Variants in ADGRG7 observed in about 807,000 individuals in gnomAD.
ADGRG7 encodes the protein adhesion G protein-coupled receptor G7, also known as G-protein coupled receptor 128.
Under a neutral mutation model 88.6 loss-of-function variants are expected in ADGRG7, and 82 were observed. That is an observed-to-expected ratio of 0.93 (90% confidence interval 0.77 to 1.11). ADGRG7 has a LOEUF of 1.11. Ranked by LOEUF, ADGRG7 falls within the 50% of genes most tolerant of loss-of-function variation. The probability of loss-of-function intolerance (pLI) is 0.00; values close to 1 mark genes in which losing one functional copy is unlikely to be tolerated. For synonymous variants in ADGRG7, 381 were observed against 345.2 expected, an observed-to-expected ratio of 1.10 and a Z score of -1.15; for missense variants, 945 against 953.4, an observed-to-expected ratio of 0.99 and a Z score of 0.12.
At chr3:100,654,733 T>C in intron 11 of ADGRG7, 102 bp from the exon 12 acceptor site, 1 of 695,410 alleles carries the variant, frequency 1.4e-6, no homozygotes, top group South Asian at 2.1e-5. Context: ...TGAACTTACA[T>C]TGGGCAATAA....
chr3:100,694,751 A>G lies in ADGRG7; in HGVS notation c.2144A>G (p.Gln715Arg). The G allele has an allele frequency of 6.2e-7, 1 of 1,613,316 alleles. No homozygotes were observed. Among genetic ancestry groups the G allele is most frequent in the Non-Finnish European group, 8.5e-7 (1 of 1,179,470 alleles). ...FCLFNTTQGL[Q>R]IFILYTVRTK... ...CTTTTGTTCTATCTGCAGGGATTGC[A>G]AATTTTTATCCTGTACACTGTTAGA... The change falls in exon 16 of 16, where the codon CAA (glutamine) becomes CGA (arginine). Residue 715 changes from glutamine to arginine, a missense_variant. Coordinates refer to ENST00000273352, the MANE Select transcript of ADGRG7 (RefSeq NM_032787.3).
Position 100,628,481 on chromosome 3 carries a change from C to A in ADGRG7, c.116-1117C>A, listed in dbSNP as rs1707413799. Reference sequence around the variant, plus strand: ...TCAAGTGATTCTCGTGCCTCAGCCTCCCAAGTAACTGGGACTACAGGCAGG... The same window carrying A: ...TCAAGTGATTCTCGTGCCTCAGCCTACCAAGTAACTGGGACTACAGGCAGG... On this transcript the variant is annotated intron_variant, in intron 1 of 15. Transcript: ENST00000273352. Among the ~76,000 whole-genome samples, 6 of 152,042 alleles carry A rather than the reference C, an allele frequency of 3.9e-5. No individual in the cohort carries two copies. The South Asian group carries it at 1.2e-3, about 32-fold the overall frequency.
At chr3:100,647,417 A>G (rs1394479417) in intron 10 of ADGRG7, among the ~76,000 whole-genome samples, 2 of 152,206 alleles carry the variant, frequency 1.3e-5, no homozygotes, top group East Asian at 1.9e-4. Context: ...CTGTATGTGG[A>G]CAGTTTAAAT....
rs3862286 is a variant in ADGRG7 at position 100,683,847 on chromosome 3, T to C, written c.2137-10897T>C. Among the ~76,000 whole-genome samples, 1,010 of 152,364 alleles carry C rather than the reference T, an allele frequency of 6.6e-3. 10 individuals carry two copies. Among genetic ancestry groups the C allele is most frequent in the African/African-American group, 0.022 (915 of 41,576 alleles). ...CAAATTATTTTTTTATAAAACCTCA[T>C]TCACCTTTAACTTGTTCATCAAAGA... On this transcript the variant is annotated intron_variant, in intron 15 of 15. Transcript: ENST00000273352.
intron 1 of ADGRG7, among the ~76,000 whole-genome samples, chr3:100,614,103 C>G (rs1264485286): frequency 2.0e-5 from 3 of 152,168 alleles, no homozygotes; most frequent in African/African-American, 7.2e-5. Flanking sequence ...CTGCTATCCT[C>G]TAGGTATTTT....
At chr3:100,672,226 T>C (rs867362862) in intron 15 of ADGRG7, among the ~76,000 whole-genome samples, 3 of 152,222 alleles carry the variant, frequency 2.0e-5, no homozygotes, top group Non-Finnish European at 4.4e-5. Flanking sequence ...TCCTCTCTTA[T>C]TTCCTTGAGC....
rs1346935244 is a variant in ADGRG7 at position 100,643,644 on chromosome 3, A to G, written c.946+11A>G. 1 of 1,579,318 alleles carries G rather than the reference A, an allele frequency of 6.3e-7. No homozygotes were observed. The highest frequency in any genetic ancestry group is 8.7e-7 in the Non-Finnish European group (1 of 1,152,130). ...TTAATATGACGAAAAGTAAGTCTCA[A>G]ACTTTGTGACATTTAAAAAAATGGA... On this transcript the variant is annotated intron_variant, in intron 8 of 15. Transcript: ENST00000273352.
Position 100,630,685 on chromosome 3 carries a change from A to G in ADGRG7, c.230-20A>G, listed in dbSNP as rs750134558. 2.6e-6 allele frequency: 3 copies of G among 1,149,050 alleles called. No homozygotes were observed. In the Admixed American group the frequency reaches 8.8e-5, roughly 34 times the overall value. The allele number at this position is 1,149,050 out of a possible 1,614,324, so 71.2% of individuals were successfully genotyped here. ...TTTAAAATACAATTTATAATAAAGA[A>G]CTTTTTCTCTTTATTACAGCTAATT... On this transcript the variant is annotated intron_variant, in intron 2 of 15. Coordinates refer to ENST00000273352, the MANE Select transcript of ADGRG7 (RefSeq NM_032787.3).
At position 100,680,658 on chromosome 3, in the gene ADGRG7, T is replaced by C. The variant is rs114088092; in HGVS notation, c.2136+11553T>C. Among the ~76,000 whole-genome samples the C allele has an allele frequency of 3.0e-3, 462 of 152,284 alleles. 4 individuals carry two copies. Among genetic ancestry groups the C allele is most frequent in the Non-Finnish European group, 4.6e-3 (312 of 67,990 alleles). On this transcript the variant is annotated intron_variant, in intron 15 of 15. Transcript: ENST00000273352. ...CAATTTAGGGATACATTAAATTTCA[T>C]TAACTTTTCGTTGTCAACTTGGAGC...
At chr3:100,624,658 T>C (rs868371191) in intron 1 of ADGRG7, among the ~76,000 whole-genome samples, 24 of 152,340 alleles carry the variant, frequency 1.6e-4, no homozygotes, top group Non-Finnish European at 2.9e-4. Context: ...CTAGGGTTTT[T>C]ATGGTTTTGA....
chr3:100,654,387 A>C (rs1232585922), intron 11 of ADGRG7: 1 of 153,166 alleles, frequency 6.5e-6, no homozygotes, highest in Non-Finnish European at 1.5e-5. Flanking sequence ...AAGAAGTTAA[A>C]ACATTACTAT....
rs766749756 is a variant in ADGRG7, at chr3:100,659,673, T to A, written c.1824-15T>A. On this transcript the variant is annotated splice_polypyrimidine_tract_variant and intron_variant, in intron 13 of 15. Transcript: ENST00000273352. ...TTTCTTAGTCTGCTGAAGCAATTTT[T>A]TTTTTCCTCCACAGCTGCTGGCTGG... 28 of 1,611,390 alleles carry A rather than the reference T, an allele frequency of 1.7e-5. No individual in the cohort carries two copies. In the East Asian group the frequency reaches 6.2e-4, roughly 36 times the overall value.
In ADGRG7 at chr3:100,621,612, T is replaced by C. The variant is rs74706745; in HGVS notation, c.116-7986T>C. Among the ~76,000 whole-genome samples the C allele has an allele frequency of 1.6e-4, 25 of 152,242 alleles. No individual in the cohort carries two copies. In the East Asian group the frequency reaches 4.1e-3, roughly 25 times the overall value. On this transcript the variant is annotated intron_variant, in intron 1 of 15. Transcript: ENST00000273352. Reference sequence around the variant, plus strand: ...AGGAAAAGTTGGAATCTAGCAGAGATTGGTTTATGAAGTTTAATGAAAGAA... The same window carrying C: ...AGGAAAAGTTGGAATCTAGCAGAGACTGGTTTATGAAGTTTAATGAAAGAA...
At chr3:100,675,292 T>G (rs1293563226) in intron 15 of ADGRG7, among the ~76,000 whole-genome samples, 1 of 152,202 alleles carries the variant, frequency 6.6e-6, no homozygotes, top group African/African-American at 2.4e-5. Flanking sequence ...TTTTTAAGAG[T>G]TTTTACCACG....
At chr3:100,625,487 A>G (rs1165255) in intron 1 of ADGRG7, among the ~76,000 whole-genome samples, 42,144 of 151,954 alleles carry the variant, frequency 0.28, 6,324 homozygotes, top group Non-Finnish European at 0.34. Flanking sequence ...GCAAACAGAG[A>G]CAATTTGATT....
intron 1 of ADGRG7, among the ~76,000 whole-genome samples, chr3:100,618,056 TG>T (rs1707251265): frequency 6.6e-6 from 1 of 152,204 alleles, no homozygotes; most frequent in African/African-American, 2.4e-5. Context: ...CGCTTTTTGA[TG>T]GGGTTGTTTG....
At chr3:100,633,911 G>A (rs1707493142) in intron 4 of ADGRG7, among the ~76,000 whole-genome samples, 1 of 152,186 alleles carries the variant, frequency 6.6e-6, no homozygotes, top group South Asian at 2.1e-4. Flanking sequence ...ATGATCAATA[G>A]CACATTAAAA....
chr3:100,619,168 C>T (rs891420171), intron 1 of ADGRG7, among the ~76,000 whole-genome samples: 2 of 151,960 alleles, frequency 1.3e-5, no homozygotes, highest in African/African-American at 4.8e-5. Flanking sequence ...TAAAGCACTC[C>T]TCAGCAAATG....
rs2094955019 is a variant in ADGRG7, at chr3:100,669,053, A to G, written c.2084A>G (p.Asp695Gly). 1 of 1,602,880 alleles carries G rather than the reference A, an allele frequency of 6.2e-7. No individual in the cohort carries two copies. Among genetic ancestry groups the G allele is most frequent in the Non-Finnish European group, 8.5e-7 (1 of 1,174,624 alleles). ...GCATACCTGATGCTAGTTAATGATG[A>G]TAGCATCAGGATCGTCTTCAGCTAC... is the stretch of plus-strand genomic sequence containing the variant. The part of the protein sequence containing the change: ...ILAYLMLVND[D>G]SIRIVFSYIF... Residue 695 changes from aspartate (D) to glycine (G), a missense_variant, in exon 15 of 16, where the codon GAT becomes GGT. Asp to Gly is a moderately conservative substitution (Grantham distance 94). Coordinates refer to ENST00000273352, the MANE Select transcript of ADGRG7 (RefSeq NM_032787.3).
Sources: allele counts gnomAD v4.1 joint callset (sites outside exome capture counted in the v4.1 genomes callset), GRCh38; gene constraint gnomAD v4.1.1; transcripts MANE v1.5; gene names NCBI Gene and HGNC (gene_info 2026-07-23, HGNC 2026-07-21).